Variants in CSDE1 observed in about 807,000 individuals in gnomAD.
The protein encoded by CSDE1 is cold shock domain-containing protein E1.
A neutral mutation model predicts 89.3 loss-of-function variants in CSDE1; 17 were observed. The ratio of observed to expected loss-of-function variants is 0.19; its 90% CI spans 0.13 to 0.29. CSDE1 has a LOEUF of 0.29. Among genes scored for constraint, CSDE1 ranks in the 10% least tolerant of loss-of-function variants. CSDE1 has a pLI of 1.00. For missense variants in CSDE1, 672 were observed against 984.2 expected (o/e 0.68, Z 4.24); for synonymous variants, 322 against 332.8 (o/e 0.97, Z 0.35).
chr1:114,734,682 T>A (rs1040160339), intron 6 of CSDE1, among the ~76,000 whole-genome samples, 159 bp from the exon 7 acceptor site: 1 of 152,212 alleles, frequency 6.6e-6, no homozygotes, highest in African/African-American at 2.4e-5. Context: ...ATTATTTTCA[T>A]ATGGCTTTAT....
At chr1:114,753,927 C>T (rs908006390) in intron 1 of CSDE1, among the ~76,000 whole-genome samples, 2 of 152,066 alleles carry the variant, frequency 1.3e-5, no homozygotes, top group African/African-American at 4.8e-5. Flanking sequence ...AAACAATCGC[C>T]CCCACAAACC....
At chr1:114,745,015 G>C (rs370838748) in intron 2 of CSDE1, among the ~76,000 whole-genome samples, 2 of 151,376 alleles carry the variant, frequency 1.3e-5, no homozygotes, top group Admixed American at 1.3e-4. Flanking sequence ...AAAAAAACTT[G>C]AATTTTTGCA....
At chr1:114,756,493 T>C (rs1661604149) in intron 1 of CSDE1, among the ~76,000 whole-genome samples, 1 of 152,226 alleles carries the variant, frequency 6.6e-6, no homozygotes, top group South Asian at 2.1e-4. Flanking sequence ...ATATCAAGAA[T>C]GTTTGCCTTT....
chr1:114,723,555 T>C (rs1322259793), intron 16 of CSDE1, among the ~76,000 whole-genome samples: 1 of 152,176 alleles, frequency 6.6e-6, no homozygotes, highest in Non-Finnish European at 1.5e-5. Context: ...TAAATACTAA[T>C]GAAGGAACTG....
intron 17 of CSDE1, chr1:114,720,162 A>C (rs1385070125): frequency 9.3e-6 from 2 of 214,278 alleles, no homozygotes; most frequent in Non-Finnish European, 1.8e-5. Context: ...AGTAAGACTA[A>C]GTTTGTTTGC....
At chr1:114,751,841 C>A (rs1216647374) in intron 1 of CSDE1, among the ~76,000 whole-genome samples, 1 of 152,202 alleles carries the variant, frequency 6.6e-6, no homozygotes, top group Non-Finnish European at 1.5e-5. Context: ...GTATTTCCCT[C>A]GCTATATCTT....
intron 2 of CSDE1, among the ~76,000 whole-genome samples, chr1:114,749,023 C>G (rs1269769447): frequency 6.6e-6 from 1 of 152,338 alleles, no homozygotes; most frequent in African/African-American, 2.4e-5. Context: ...CTACTCTGTT[C>G]ATAATGAACA....
At position 114,725,117 on chromosome 1, in the gene CSDE1, G is replaced by T. The variant is rs1256022382; in HGVS notation, c.1753+104C>A. On this transcript the variant is annotated intron_variant, in intron 15 of 19. Coordinates refer to ENST00000358528, the MANE Select transcript of CSDE1 (RefSeq NM_001007553.3). ...GCTGCTGTTCTATGGAATCGCACAT[G>T]AGAATGACTGATGTAGAATAATTAG... The T allele has an allele frequency of 4.6e-6, 4 of 868,478 alleles. No individual in the cohort carries two copies. The African/African-American group carries it at 6.6e-5, about 14-fold the overall frequency. The allele number at this position is 868,478 out of a possible 1,614,324, so 53.8% of individuals were successfully genotyped here.
chr1:114,722,225 G>A (rs796928844), intron 16 of CSDE1, among the ~76,000 whole-genome samples: 4 of 152,290 alleles, frequency 2.6e-5, no homozygotes, highest in African/African-American at 9.6e-5. Flanking sequence ...AAAAAACTTT[G>A]AGGAGATAAT....
rs1247998247 is a variant in CSDE1, at chr1:114,718,683, A to G, written c.2279T>C (p.Ile760Thr). The G allele has an allele frequency of 1.1e-5, 17 of 1,614,092 alleles. No homozygotes were observed. Among genetic ancestry groups the G allele is most frequent in the Admixed American group, 1.7e-5 (1 of 60,004 alleles). ...PDRLVNRLKN[I>T]TLDDASAPRL... The stretch of plus-strand genomic sequence containing the variant: ...AGGAGCACTGGCATCATCCAGAGTG[A>G]TATTCTTCAAGCGATTGACCAACCG... Residue 760 changes from isoleucine (I) to threonine (T), a missense_variant, in exon 19 of 20, where the codon ATC becomes ACC. This residue lies in a region of CSDE1 where 206 missense variants were observed against 332.4 expected (regional missense o/e 0.62). Coordinates refer to ENST00000358528, the MANE Select transcript of CSDE1 (RefSeq NM_001007553.3).
chr1:114,754,329 T>C (rs1405180982), intron 1 of CSDE1, among the ~76,000 whole-genome samples: 1 of 152,240 alleles, frequency 6.6e-6, no homozygotes, highest in African/African-American at 2.4e-5. Context: ...TCGGCTGTTT[T>C]ACCTCAAAGG....
intron 16 of CSDE1, among the ~76,000 whole-genome samples, chr1:114,720,970 A>T (rs1308292132): frequency 6.6e-6 from 1 of 152,228 alleles, no homozygotes; most frequent in Non-Finnish European, 1.5e-5. Context: ...CTGCATTTAT[A>T]AATTAAAACA....
chr1:114,733,581 C>G, intron 9 of CSDE1, 151 bp downstream of exon 9: 1 of 450,452 alleles, frequency 2.2e-6, no homozygotes, highest in Non-Finnish European at 3.7e-6. Flanking sequence ...AATCTGGTTT[C>G]TCTTTTAGTT....
At chr1:114,742,841 T>C (rs1409326305) in intron 2 of CSDE1, among the ~76,000 whole-genome samples, 1 of 152,216 alleles carries the variant, frequency 6.6e-6, no homozygotes, top group Non-Finnish European at 1.5e-5. Context: ...TACTAATTCA[T>C]GATATTATAA....
rs79773707 is a variant in CSDE1 at position 114,745,001 on chromosome 1, T to A, written c.-1+4820A>T. Among the ~76,000 whole-genome samples, 82 of 152,002 alleles carry A rather than the reference T, an allele frequency of 5.4e-4. No individual in the cohort carries two copies. In the East Asian group the frequency reaches 0.012, roughly 22 times the overall value. ...TACACAAAAGCTAAAACATTAAACA[T>A]TAAAAAAAAACTTGAATTTTTGCAA... On this transcript the variant is annotated intron_variant, in intron 2 of 19. Coordinates refer to ENST00000358528, the MANE Select transcript of CSDE1 (RefSeq NM_001007553.3).
At chr1:114,729,946 T>G (rs112391384) in intron 12 of CSDE1, among the ~76,000 whole-genome samples, 46 of 152,266 alleles carry the variant, frequency 3.0e-4, no homozygotes, top group African/African-American at 1.1e-3. Context: ...CAGGGGACAT[T>G]TGGCAATGTC....
intron 2 of CSDE1, among the ~76,000 whole-genome samples, chr1:114,745,920 A>G (rs1163490304): frequency 6.6e-6 from 1 of 152,178 alleles, no homozygotes; most frequent in Non-Finnish European, 1.5e-5. Flanking sequence ...TTTTTCCTCA[A>G]AAGTAAAGTG....
intron 15 of CSDE1, among the ~76,000 whole-genome samples, chr1:114,724,595 G>C (rs1659697910): frequency 6.6e-6 from 1 of 152,038 alleles, no homozygotes; most frequent in Non-Finnish European, 1.5e-5. Context: ...AGAGATCCAA[G>C]ATCCTAAATT....
chr1:114,728,804 C>T (rs1184360814), intron 12 of CSDE1, among the ~76,000 whole-genome samples: 2 of 152,142 alleles, frequency 1.3e-5, no homozygotes, highest in African/African-American at 2.4e-5. Flanking sequence ...AATAATTTCC[C>T]AAGCTACAGT....
Sources: allele counts gnomAD v4.1 joint callset (sites outside exome capture counted in the v4.1 genomes callset), GRCh38; gene constraint gnomAD v4.1.1; regional missense constraint gnomAD v4.1.1; transcripts MANE v1.5; gene names NCBI Gene and HGNC (gene_info 2026-07-23, HGNC 2026-07-21).